The following RARB variants were observed in gnomAD, a reference collection of about 807,000 sequenced individuals.
RARB encodes HBV-activated protein.
A neutral mutation model predicts 51.9 loss-of-function variants in RARB; 17 were observed. That is an observed-to-expected ratio of 0.33 (90% CI 0.22 to 0.49). RARB has a LOEUF of 0.49. Ranked by LOEUF, RARB falls within the 20% of genes least tolerant of loss-of-function variation. The pLI, the probability that RARB is intolerant of heterozygous loss-of-function variation, is 0.99. For synonymous variants in RARB, 215 were observed against 195.4 expected (o/e 1.10, Z -0.84); for missense variants, 369 against 550.8 (o/e 0.67, Z 3.30).
At chr3:24,942,261 A>AG in intron 2 of RARB, among the ~76,000 whole-genome samples, 1 of 152,222 alleles carries the variant, frequency 6.6e-6, no homozygotes, top group Non-Finnish European at 1.5e-5. Flanking sequence ...AAAATAAACC[A>AG]AAATAGCTCT....
At chr3:25,173,772 G>A (rs1575195504) in intron 4 of RARB, among the ~76,000 whole-genome samples, 1 of 152,208 alleles carries the variant, frequency 6.6e-6, no homozygotes, top group East Asian at 1.9e-4. Context: ...CTCCTGGTGA[G>A]TGCATGCTAA....
At chr3:25,165,261 T>C (rs1700541524) in intron 4 of RARB, among the ~76,000 whole-genome samples, 1 of 152,046 alleles carries the variant, frequency 6.6e-6, no homozygotes, top group Non-Finnish European at 1.5e-5. Flanking sequence ...GCTTCTCTGC[T>C]CTCTCTCATG....
At chr3:25,256,316 G>T (rs778371825) in intron 5 of RARB, among the ~76,000 whole-genome samples, 3 of 152,098 alleles carry the variant, frequency 2.0e-5, no homozygotes, top group Admixed American at 6.6e-5. Context: ...AGAATCTGAA[G>T]AACACACTGT....
chr3:24,858,561 A>T (rs934867256), intron 1 of RARB: 1 of 152,216 alleles, frequency 6.6e-6, no homozygotes, highest in African/African-American at 2.4e-5. Context: ...TAACTATGTC[A>T]CGTCATGGAA....
At chr3:25,320,042 T>TTGC (rs1553603809) in intron 5 of RARB, among the ~76,000 whole-genome samples, 1 of 151,406 alleles carries the variant, frequency 6.6e-6, no homozygotes, top group Non-Finnish European at 1.5e-5. Context: ...TTTTTTTTTT[T>TTGC]GCTAATGGAT....
chr3:24,950,535 T>C (rs749794913), intron 2 of RARB, among the ~76,000 whole-genome samples: 79 of 152,250 alleles, frequency 5.2e-4, no homozygotes, highest in Admixed American at 1.5e-3. Flanking sequence ...ATTTGAAATA[T>C]CACAGATTAG....
intron 5 of RARB, among the ~76,000 whole-genome samples, chr3:25,346,356 T>C (rs1186319809): frequency 7.2e-5 from 11 of 152,230 alleles, no homozygotes; most frequent in Non-Finnish European, 1.5e-4. Flanking sequence ...TTATTGTATT[T>C]GTGTCTTTTA....
intron 5 of RARB, among the ~76,000 whole-genome samples, chr3:25,388,507 A>G (rs11927206): frequency 0.035 from 5,313 of 152,312 alleles, 296 homozygotes; most frequent in African/African-American, 0.12. Context: ...AGATAAGTGG[A>G]CTTGATAAGT....
intron 5 of RARB, among the ~76,000 whole-genome samples, chr3:25,378,016 G>A (rs141437810): frequency 6.6e-6 from 1 of 152,208 alleles, no homozygotes; most frequent in East Asian, 1.9e-4. Context: ...CTGAAGTGTA[G>A]CAATTTAGAT....
At chr3:25,399,952 T>C (rs1290085659) in intron 5 of RARB, among the ~76,000 whole-genome samples, 1 of 152,236 alleles carries the variant, frequency 6.6e-6, no homozygotes, top group Non-Finnish European at 1.5e-5. Context: ...TCTATGTCTC[T>C]ATTTCCTTAC....
intron 2 of RARB, among the ~76,000 whole-genome samples, chr3:25,477,554 A>G (rs762394698): frequency 6.6e-6 from 1 of 152,224 alleles, no homozygotes; most frequent in Non-Finnish European, 1.5e-5. Context: ...TATAATTACT[A>G]CAAGTACTTG....
intron 5 of RARB, among the ~76,000 whole-genome samples, chr3:25,200,424 T>C (rs546668532): frequency 6.6e-6 from 1 of 152,304 alleles, no homozygotes; most frequent in Non-Finnish European, 1.5e-5. Context: ...TTTCTTTTGC[T>C]GTGCAGAAGC....
At chr3:25,360,603 T>G (rs1705901569) in intron 5 of RARB, among the ~76,000 whole-genome samples, 1 of 152,178 alleles carries the variant, frequency 6.6e-6, no homozygotes, top group African/African-American at 2.4e-5. Flanking sequence ...GTTTTTGCAG[T>G]TGGCTGGTAC....
At chr3:25,466,295 C>G (rs1695428557) in intron 2 of RARB, among the ~76,000 whole-genome samples, 2 of 152,036 alleles carry the variant, frequency 1.3e-5, no homozygotes, top group African/African-American at 2.4e-5. Flanking sequence ...TCAAGCAATT[C>G]TCCTGCCTCA....
In RARB at chr3:25,443,017, G is replaced by A. The variant is rs192464313; in HGVS notation, c.157+14129G>A. ...TATGGAAGCCTCAGTTTGCCTTCTGGGAAATACCATGAGCTCTCCCCCGGG... is the reference window on the plus strand; with the variant it reads ...TATGGAAGCCTCAGTTTGCCTTCTGAGAAATACCATGAGCTCTCCCCCGGG... On this transcript the variant is annotated intron_variant, in intron 1 of 7. Coordinates refer to ENST00000330688, the MANE Select transcript of RARB (RefSeq NM_000965.5). Among the ~76,000 whole-genome samples, 20 of 152,128 alleles carry A rather than the reference G, an allele frequency of 1.3e-4. No individual in the cohort carries two copies. The East Asian group carries it at 3.7e-3, about 28-fold the overall frequency.
intron 5 of RARB, among the ~76,000 whole-genome samples, chr3:25,248,223 T>A (rs1702615676): frequency 6.6e-6 from 1 of 152,232 alleles, no homozygotes; most frequent in Non-Finnish European, 1.5e-5. Flanking sequence ...ATTCATCCAA[T>A]ATCTTTTTTC....
chr3:25,062,874 A>T (rs1698578652), intron 3 of RARB, among the ~76,000 whole-genome samples: 2 of 152,094 alleles, frequency 1.3e-5, no homozygotes, highest in South Asian at 2.1e-4. Flanking sequence ...CTGTAAATAC[A>T]TGGGAAAATT....
chr3:25,257,173 G>A (rs1216780188), intron 5 of RARB, among the ~76,000 whole-genome samples: 1 of 152,072 alleles, frequency 6.6e-6, no homozygotes, highest in Non-Finnish European at 1.5e-5. Flanking sequence ...CAGTAATGTG[G>A]TATGTCTGCT....
rs1327320964 is a variant in RARB at position 25,068,098 on chromosome 3, C to A, written c.-328+7922C>A. ...GCAGTGAGACGAGATTGCACCATCG[C>A]ACTTCAGCCTGGGCGACAGAGAGAG... On this transcript the variant is annotated intron_variant, in intron 3 of 11. Coordinates refer to the RARB transcript ENST00000383772. 4.0e-5 allele frequency among the ~76,000 whole-genome samples: 5 copies of A among 125,928 alleles called. No individual in the cohort carries two copies. The East Asian group carries it at 1.2e-3, about 31-fold the overall frequency. The allele number at this position is 125,928 out of a possible 152,430, so 82.6% of individuals were successfully genotyped here.
Sources: gnomAD v4.1 joint callset for allele counts (sites outside exome capture counted in the v4.1 genomes callset) on GRCh38, gnomAD v4.1.1 for gene constraint, MANE v1.5 for transcripts, NCBI Gene and HGNC (gene_info 2026-07-23, HGNC 2026-07-21) for gene names.